The following ADGRL3 variants were observed in gnomAD, a reference collection of about 807,000 sequenced individuals.
ADGRL3 encodes the protein adhesion G protein-coupled receptor L3.
Under a neutral mutation model 153.5 loss-of-function variants are expected in ADGRL3, and 62 were observed. The observed-to-expected ratio is 0.40, with a 90% CI of 0.33 to 0.50. ADGRL3 has a LOEUF of 0.50. ADGRL3 is among the 20% of genes least tolerant of loss of function. The pLI is 0.47. For synonymous variants in ADGRL3, 710 were observed against 672.5 expected (o/e 1.06, Z -0.86); for missense variants, 1,641 against 1,859.4 (o/e 0.88, Z 2.16).
intron 1 of ADGRL3, among the ~76,000 whole-genome samples, chr4:61,287,602 G>T (rs2093989895): frequency 6.6e-6 from 1 of 151,848 alleles, no homozygotes; most frequent in Admixed American, 6.6e-5. Context: ...ACAATCAAGG[G>T]CATAGAAATG....
At chr4:61,302,753 G>C (rs2094621126) in intron 1 of ADGRL3, among the ~76,000 whole-genome samples, 1 of 152,082 alleles carries the variant, frequency 6.6e-6, no homozygotes, top group African/African-American at 2.4e-5. Flanking sequence ...ACCCGAGTTA[G>C]AGTAATTAAT....
At chr4:61,449,776 C>T (rs2097651654) in intron 2 of ADGRL3, among the ~76,000 whole-genome samples, 1 of 152,076 alleles carries the variant, frequency 6.6e-6, no homozygotes. Context: ...TAACCAAGGA[C>T]TCTAGAAATG....
chr4:61,719,337 A>T (rs74674241), intron 6 of ADGRL3, among the ~76,000 whole-genome samples: 3 of 152,156 alleles, frequency 2.0e-5, no homozygotes, highest in Non-Finnish European at 2.9e-5. Flanking sequence ...TCACTATCCA[A>T]TTAAGTATAT....
At chr4:61,799,242 G>A (rs2152474509) in intron 8 of ADGRL3, among the ~76,000 whole-genome samples, 1 of 151,772 alleles carries the variant, frequency 6.6e-6, no homozygotes, top group African/African-American at 2.4e-5. Flanking sequence ...TATCTGCTTA[G>A]TATATTTCAC....
intron 8 of ADGRL3, among the ~76,000 whole-genome samples, chr4:61,742,413 G>A (rs758750872): frequency 6.6e-6 from 1 of 151,938 alleles, no homozygotes; most frequent in Non-Finnish European, 1.5e-5. Context: ...CGAGTAGCTG[G>A]GACTACAGGC....
In ADGRL3 at chr4:61,983,604, G is replaced by A; in HGVS notation, c.3236+1G>A. 6.2e-7 allele frequency: 1 copy of A among 1,609,760 alleles called. No individual in the cohort carries two copies. The highest frequency in any genetic ancestry group is 8.5e-7 in the Non-Finnish European group (1 of 1,176,980). On this transcript the variant is annotated splice_donor_variant, in intron 19 of 26. Coordinates refer to ENST00000683033, the MANE Select transcript of ADGRL3 (RefSeq NM_001387552.1). LOFTEE classifies it high-confidence loss of function. ...ACAGGAGTTATGGAACAGATAAAGTGTAAGTTTATTGTTTTCTTTCTTTTT... is the reference window on the plus strand; with the variant it reads ...ACAGGAGTTATGGAACAGATAAAGTATAAGTTTATTGTTTTCTTTCTTTTT...
intron 1 of ADGRL3, among the ~76,000 whole-genome samples, chr4:61,365,844 T>G (rs1187122414): frequency 6.6e-6 from 1 of 152,232 alleles, no homozygotes; most frequent in East Asian, 1.9e-4. Context: ...TAGTTAGAAT[T>G]CTATATAATA....
At chr4:61,386,317 G>A (rs2096735704) in intron 2 of ADGRL3, among the ~76,000 whole-genome samples, 1 of 152,046 alleles carries the variant, frequency 6.6e-6, no homozygotes, top group South Asian at 2.1e-4. Context: ...TTATTAAGGA[G>A]CTAGCCAAAA....
intron 6 of ADGRL3, 40 bp downstream of exon 6, chr4:61,676,975 T>C: frequency 1.6e-6 from 2 of 1,275,490 alleles, no homozygotes; most frequent in Non-Finnish European, 2.3e-6. Context: ...AGAGAAAAGA[T>C]ACTAAACTGT....
intron 11 of ADGRL3, among the ~76,000 whole-genome samples, chr4:61,903,218 C>T (rs1436468751): frequency 6.6e-6 from 1 of 152,132 alleles, no homozygotes; most frequent in Non-Finnish European, 1.5e-5. Context: ...ATTCTTTCCC[C>T]TCAATAGCAC....
At chr4:62,054,432 G>C (rs1735912086) in intron 25 of ADGRL3, among the ~76,000 whole-genome samples, 1 of 151,592 alleles carries the variant, frequency 6.6e-6, no homozygotes, top group African/African-American at 2.4e-5. Context: ...AATCTCTAAA[G>C]AGCTTTGGTT....
At chr4:61,363,902 A>G (rs2096340709) in intron 1 of ADGRL3, among the ~76,000 whole-genome samples, 1 of 152,212 alleles carries the variant, frequency 6.6e-6, no homozygotes, top group Non-Finnish European at 1.5e-5. Context: ...GCCTGTGTCC[A>G]GAGCACGCAC....
chr4:61,327,578 T>A lies in ADGRL3; in HGVS notation c.-239-55546T>A, dbSNP rs184255165. Among the ~76,000 whole-genome samples, 7 of 152,102 alleles carry A rather than the reference T, an allele frequency of 4.6e-5. No homozygotes were observed. In the East Asian group the frequency reaches 1.4e-3, roughly 29 times the overall value. Reference sequence around the variant, plus strand: ...AAGTTTGTGATGGGGAAACAGTCAATTCAAAGGACTGATTTTGGAGTCATG... The same window carrying A: ...AAGTTTGTGATGGGGAAACAGTCAAATCAAAGGACTGATTTTGGAGTCATG... On this transcript the variant is annotated intron_variant, in intron 1 of 26. Coordinates refer to ENST00000683033, the MANE Select transcript of ADGRL3 (RefSeq NM_001387552.1).
At chr4:61,400,291 C>T (rs1432708511) in intron 2 of ADGRL3, among the ~76,000 whole-genome samples, 2 of 151,732 alleles carry the variant, frequency 1.3e-5, no homozygotes, top group Non-Finnish European at 3.0e-5. Flanking sequence ...GTCACAGTTT[C>T]ATTTATTACT....
chr4:61,866,561 T>C (rs868669835), intron 9 of ADGRL3, among the ~76,000 whole-genome samples: 2 of 152,312 alleles, frequency 1.3e-5, no homozygotes, highest in Middle Eastern at 6.8e-3. Context: ...GCTCAGGTGC[T>C]ATTAGTACTG....
intron 1 of ADGRL3, among the ~76,000 whole-genome samples, chr4:61,220,069 G>C (rs1023396894): frequency 1.3e-5 from 2 of 149,392 alleles, no homozygotes; most frequent in East Asian, 2.0e-4. Flanking sequence ...GATTGCGTGC[G>C]CCATTGCACT....
At chr4:61,296,291 T>C (rs145455955) in intron 1 of ADGRL3, among the ~76,000 whole-genome samples, 8 of 150,988 alleles carry the variant, frequency 5.3e-5, no homozygotes, top group Non-Finnish European at 1.0e-4. Context: ...AGGTTGAGAG[T>C]CACAGGAAAT....
intron 5 of ADGRL3, among the ~76,000 whole-genome samples, chr4:61,670,863 C>T (rs2094967279): frequency 6.6e-6 from 1 of 152,150 alleles, no homozygotes; most frequent in African/African-American, 2.4e-5. Context: ...GGACAAAAGT[C>T]ACAATGCTCA....
chr4:61,539,743 C>T (rs900607458), intron 4 of ADGRL3, among the ~76,000 whole-genome samples: 1 of 152,118 alleles, frequency 6.6e-6, no homozygotes, highest in Non-Finnish European at 1.5e-5. Context: ...GTCACAAAGG[C>T]AGACTTTCTC....
Sources: allele counts gnomAD v4.1 joint callset (sites outside exome capture counted in the v4.1 genomes callset), GRCh38; gene constraint gnomAD v4.1.1; transcripts MANE v1.5; gene names NCBI Gene and HGNC (gene_info 2026-07-23, HGNC 2026-07-21).